SLC13A3: variants seen among roughly 807,000 people sequenced by gnomAD.
The protein encoded by SLC13A3 is Na(+)/dicarboxylate cotransporter 3.
In SLC13A3, 40 loss-of-function variants were observed where a neutral mutation model predicts 59.0. That is an observed-to-expected ratio of 0.68 (90% CI 0.53 to 0.88). The LOEUF is 0.88. SLC13A3 is among the 40% of genes least tolerant of loss of function. SLC13A3 has a pLI of 0.00. For missense variants in SLC13A3, 699 were observed against 783.2 expected, an observed-to-expected ratio of 0.89 and a Z score of 1.28; for synonymous variants, 317 against 330.3, an observed-to-expected ratio of 0.96 and a Z score of 0.44.
At chr20:46,604,612 A>G (rs1335475343) in intron 3 of SLC13A3, among the ~76,000 whole-genome samples, 1 of 152,010 alleles carries the variant, frequency 6.6e-6, no homozygotes, top group East Asian at 1.9e-4. Flanking sequence ...CGTTGGTACC[A>G]TGAGGGAACA....
rs754672662 is a variant in SLC13A3 at position 46,578,905 on chromosome 20, G to GTCATCA, written c.1220-3226_1220-3221dup. 5.3e-5 allele frequency among the ~76,000 whole-genome samples: 8 copies of GTCATCA among 151,476 alleles called. No homozygotes were observed. In the East Asian group the frequency reaches 1.2e-3, roughly 22 times the overall value. ...AGAGGAAAGAGAAGTCGTCGTCGTC[G>GTCATCA]TCATCATCATCATCATCATCATCAT... On this transcript the variant is annotated intron_variant, in intron 9 of 12. Coordinates refer to ENST00000279027, the MANE Select transcript of SLC13A3 (RefSeq NM_022829.6).
Position 46,610,529 on chromosome 20 carries a change from G to C in SLC13A3, c.458C>G (p.Pro153Arg). ...ACTTTTCAGGATGGCATTGGCAATG[G>C]GAAGCATCATGGCAGTGGAGGCGGT... ...SNTASTAMML[P>R]IANAILKSLF... is the part of the protein sequence containing the mutation. Residue 153 changes from proline to arginine, a missense_variant, in exon 3 of 13, where the codon CCC (proline) becomes CGC (arginine). Coordinates refer to ENST00000279027, the MANE Select transcript of SLC13A3 (RefSeq NM_022829.6). 6.2e-7 allele frequency: 1 copy of C among 1,614,096 alleles called. No individual in the cohort carries two copies. Among genetic ancestry groups the C allele is most frequent in the Non-Finnish European group, 8.5e-7 (1 of 1,180,014 alleles).
intron 11 of SLC13A3, 62 bp from the exon 12 acceptor site, chr20:46,563,613 AGG>A (rs1491193265): frequency 6.8e-5 from 101 of 1,482,796 alleles, no homozygotes; most frequent in African/African-American, 6.5e-4. Context: ...CCACAGCAAG[AGG>A]GAGAGAGAGA....
At chr20:46,677,059 G>A (rs944196149) in intron 1 of SLC13A3, among the ~76,000 whole-genome samples, 2 of 152,170 alleles carry the variant, frequency 1.3e-5, no homozygotes, top group South Asian at 2.1e-4. Flanking sequence ...GATTACAGGC[G>A]CCCACCATCA....
intron 1 of SLC13A3, among the ~76,000 whole-genome samples, chr20:46,663,517 T>C (rs1310411746): frequency 2.6e-5 from 4 of 152,112 alleles, no homozygotes; most frequent in Non-Finnish European, 5.9e-5. Flanking sequence ...GGGAATTTAA[T>C]CAAGTTTGTG....
chr20:46,601,371 A>G (rs1356356306), intron 3 of SLC13A3, among the ~76,000 whole-genome samples: 1 of 152,086 alleles, frequency 6.6e-6, no homozygotes, highest in Non-Finnish European at 1.5e-5. Flanking sequence ...TGAGAGTAAT[A>G]AGTGGTGGAT....
intron 10 of SLC13A3, 129 bp from the exon 11 acceptor site, chr20:46,566,519 G>A: frequency 9.3e-7 from 1 of 1,076,004 alleles, no homozygotes; most frequent in Middle Eastern, 2.1e-4. Flanking sequence ...GGTGCAGAGA[G>A]GGGAGGTGAC....
chr20:46,672,982 T>C (rs2063101798), upstream of SLC13A3, among the ~76,000 whole-genome samples: 1 of 152,112 alleles, frequency 6.6e-6, no homozygotes, highest in East Asian at 1.9e-4. Context: ...CCCCACAAAA[T>C]CATGATGTAT....
rs562119379 is a variant in SLC13A3 at position 46,641,347 on chromosome 20, A to G, written c.111+9964T>C. ...TGGGTACAGGGCTGCCATAGAGCAC[A>G]CTATAAGCATAAACCTGCTCTTAGG... On this transcript the variant is annotated intron_variant, in intron 1 of 12. Transcript: ENST00000279027. 1.7e-4 allele frequency among the ~76,000 whole-genome samples: 26 copies of G among 152,348 alleles called. 1 individual carries two copies. Among genetic ancestry groups the G allele is most frequent in the South Asian group, 4.1e-4 (2 of 4,828 alleles).
chr20:46,613,938 C>T (rs1217708002), intron 1 of SLC13A3: 1 of 485,594 alleles, frequency 2.1e-6, no homozygotes. Context: ...CATCACCTTT[C>T]TAAGCCTCAT....
At chr20:46,643,139 A>G (rs7266893) in intron 1 of SLC13A3, among the ~76,000 whole-genome samples, 6,024 of 139,158 alleles carry the variant, frequency 0.043, 368 homozygotes, top group African/African-American at 0.17. Context: ...ATACAATGGT[A>G]AGCAGGACAA....
chr20:46,577,983 T>C (rs1438653186), intron 9 of SLC13A3, among the ~76,000 whole-genome samples: 1 of 14,276 alleles, frequency 7.0e-5, no homozygotes, highest in Non-Finnish European at 2.4e-4. Flanking sequence ...CCCTGGCTAT[T>C]TATTTATTTT....
Position 46,637,617 on chromosome 20 carries a change from A to C in SLC13A3, c.111+13694T>G, listed in dbSNP as rs191594294. 3.7e-3 allele frequency among the ~76,000 whole-genome samples: 566 copies of C among 152,302 alleles called. 2 individuals carry two copies. The highest frequency in any genetic ancestry group is 5.5e-3 in the Non-Finnish European group (372 of 68,034). On this transcript the variant is annotated intron_variant, in intron 1 of 12. Coordinates refer to ENST00000279027, the MANE Select transcript of SLC13A3 (RefSeq NM_022829.6). ...TACCACTACGACTACTACTGACAAT[A>C]GCAAACATTGACCTAGCACCTGTTC...
rs144788145 is a variant in SLC13A3, at chr20:46,582,487, C to T, written c.1219+1085G>A. The T allele has an allele frequency of 1.1e-3, 297 of 281,190 alleles. 1 individual carries two copies. The highest frequency in any genetic ancestry group is 6.4e-3 in the African/African-American group (275 of 43,254). 17.4% of individuals were successfully genotyped at this position (281,190 alleles called of 1,614,324 possible). ...GCGAGGTGGCTCACACCTGTAATCC[C>T]AGCTTCTTGGGAGTCTGAGGTGGGA... On this transcript the variant is annotated intron_variant, in intron 9 of 12. Coordinates refer to ENST00000279027, the MANE Select transcript of SLC13A3 (RefSeq NM_022829.6).
At chr20:46,683,501 C>T (rs975682002) in intron 1 of SLC13A3, among the ~76,000 whole-genome samples, 2 of 152,172 alleles carry the variant, frequency 1.3e-5, no homozygotes, top group African/African-American at 2.4e-5. Flanking sequence ...GAGATTCATA[C>T]CCTGTGCCAA....
intron 10 of SLC13A3, 92 bp from the exon 11 acceptor site, chr20:46,566,482 A>G (rs1206023482): frequency 7.0e-7 from 1 of 1,421,474 alleles, no homozygotes; most frequent in Non-Finnish European, 9.5e-7. Flanking sequence ...AATGACGACC[A>G]TACCCCTTCC....
At chr20:46,665,463 C>T (rs1207901925) in intron 1 of SLC13A3, among the ~76,000 whole-genome samples, 2 of 152,184 alleles carry the variant, frequency 1.3e-5, no homozygotes, top group African/African-American at 4.8e-5. Flanking sequence ...GATTTGCCTA[C>T]TCTGGACATT....
At chr20:46,626,227 C>T (rs2082815517) in intron 1 of SLC13A3, among the ~76,000 whole-genome samples, 1 of 149,640 alleles carries the variant, frequency 6.7e-6, no homozygotes, top group African/African-American at 2.5e-5. Context: ...TCTCTCCCTC[C>T]CCCTCCTTTT....
chr20:46,646,262 C>T (rs766956774), intron 1 of SLC13A3, among the ~76,000 whole-genome samples: 1 of 152,120 alleles, frequency 6.6e-6, no homozygotes, highest in Non-Finnish European at 1.5e-5. Context: ...GAGGAGTGAC[C>T]GAAGTAGTGT....
Sources: allele counts gnomAD v4.1 joint callset (sites outside exome capture counted in the v4.1 genomes callset), GRCh38; gene constraint gnomAD v4.1.1; transcripts MANE v1.5; gene names NCBI Gene and HGNC (gene_info 2026-07-23, HGNC 2026-07-21).